Variants in CRY2 observed in about 807,000 individuals in gnomAD.
The protein encoded by CRY2 is cryptochrome circadian regulator 2, also known as cryptochrome-2.
CRY2 carries 31 observed loss-of-function variants against 69.5 expected under a neutral mutation model. The observed-to-expected ratio is 0.45, with a 90% confidence interval of 0.34 to 0.60. The LOEUF (loss-of-function observed/expected upper bound fraction) is 0.60, where lower values mean the gene tolerates loss of function less well. Among genes scored for constraint, CRY2 ranks in the 20% least tolerant of loss-of-function variants. The probability of loss-of-function intolerance (pLI) is 0.02; values close to 1 mark genes in which losing one functional copy is unlikely to be tolerated. For synonymous variants in CRY2, 303 were observed against 312.2 expected, an observed-to-expected ratio of 0.97 and a Z score of 0.31; for missense variants, 606 against 797.8, an observed-to-expected ratio of 0.76 and a Z score of 2.90.
chr11:45,878,954 G>C (rs1418289414), intron 11 of CRY2, among the ~76,000 whole-genome samples: 2 of 144,396 alleles, frequency 1.4e-5, no homozygotes, highest in Non-Finnish European at 3.0e-5. Flanking sequence ...AAAAAGTCGG[G>C]CTCGGTGGCT....
chr11:45,862,652 G>T (rs937224162), intron 5 of CRY2, among the ~76,000 whole-genome samples: 3 of 152,158 alleles, frequency 2.0e-5, no homozygotes, highest in African/African-American at 2.4e-5. Context: ...TTTCATCTGT[G>T]GGCAGGTTCC....
At chr11:45,847,463 G>C (rs374932238), upstream of CRY2, 43 of 1,596,284 alleles carry the variant, frequency 2.7e-5, no homozygotes, top group East Asian at 4.5e-5. Flanking sequence ...GGGGCGGAGC[G>C]GGGGTGGCTG....
In CRY2 at chr11:45,861,847, G is replaced by A. The variant is rs563617238; in HGVS notation, c.653-213G>A. Reference sequence around the variant, plus strand: ...GGGATTGTTGTCATCTACCTGGAGCGATGAGGGTGCAGGGGAAAGCAGAGA... The same window carrying A: ...GGGATTGTTGTCATCTACCTGGAGCAATGAGGGTGCAGGGGAAAGCAGAGA... On this transcript the variant is annotated intron_variant, in intron 4 of 11. Transcript: ENST00000616080. The A allele has an allele frequency of 2.8e-4, 154 of 540,562 alleles. 1 individual carries two copies. The highest frequency in any genetic ancestry group is 2.3e-3 in the African/African-American group (122 of 51,970). The allele number at this position is 540,562 out of a possible 1,614,324, so 33.5% of individuals were successfully genotyped here. A position where few individuals can be genotyped will look rare whatever the true frequency, so the allele number is the denominator to read the frequency against.
chr11:45,871,292 A>G lies in CRY2; in HGVS notation c.1642+358A>G, dbSNP rs552459560. 6.8e-4 allele frequency among the ~76,000 whole-genome samples: 103 copies of G among 152,304 alleles called. No homozygotes were observed. In the South Asian group the frequency reaches 0.018, roughly 27 times the overall value. On this transcript the variant is annotated intron_variant, in intron 10 of 11. Transcript: ENST00000616080. ...AAGGGAGTAGCAAGAAAAAGCTCAC[A>G]AACAGTACCGAGCTTAGTCCATTCA...
intron 1 of CRY2, among the ~76,000 whole-genome samples, chr11:45,853,276 C>T (rs2086211953): frequency 6.6e-6 from 1 of 152,116 alleles, no homozygotes. Flanking sequence ...ATTGTAAATG[C>T]TTATTAAATG....
intron 11 of CRY2, among the ~76,000 whole-genome samples, chr11:45,880,524 A>AT (rs1189388665): frequency 6.6e-6 from 1 of 151,856 alleles, no homozygotes; most frequent in Non-Finnish European, 1.5e-5. Context: ...TCTTCCAGCC[A>AT]TTTTTTCCTG....
At chr11:45,871,475 G>A (rs2086381875) in intron 10 of CRY2, among the ~76,000 whole-genome samples, 1 of 152,148 alleles carries the variant, frequency 6.6e-6, no homozygotes, top group Non-Finnish European at 1.5e-5. Flanking sequence ...AGTAGGGCAG[G>A]GCATGATTGG....
intron 1 of CRY2, among the ~76,000 whole-genome samples, chr11:45,850,349 T>A (rs939322109): frequency 6.6e-6 from 1 of 152,184 alleles, no homozygotes; most frequent in Non-Finnish European, 1.5e-5. Context: ...CAGCAAAGCT[T>A]AAGAAGCACT....
intron 9 of CRY2, 124 bp from the exon 10 acceptor site, chr11:45,870,718 T>C: frequency 9.2e-7 from 1 of 1,083,600 alleles, no homozygotes; most frequent in Non-Finnish European, 1.3e-6. Flanking sequence ...TGTGGGGCTG[T>C]GGGAGGAAAT....
chr11:45,855,727 C>T lies in CRY2; in HGVS notation c.216-255C>T, dbSNP rs189154903. ...ACTAACATCAGCTTCACATTACCGG[C>T]GAGAAAACAGGCAAAGAGGTTAGGT... On this transcript the variant is annotated intron_variant, in intron 1 of 11. Coordinates refer to ENST00000616080, the MANE Select transcript of CRY2 (RefSeq NM_021117.5). 3.3e-4 allele frequency among the ~76,000 whole-genome samples: 51 copies of T among 152,262 alleles called. No homozygotes were observed. In the East Asian group the frequency reaches 4.8e-3, roughly 14 times the overall value.
At chr11:45,870,293 G>T (rs1417751259) in intron 8 of CRY2, 37 bp from the exon 9 acceptor site, 1 of 1,613,834 alleles carries the variant, frequency 6.2e-7, no homozygotes, top group East Asian at 2.2e-5. Context: ...GGAGGGTCTG[G>T]GTATGCTGAT....
At chr11:45,871,446 A>G (rs1466055960) in intron 10 of CRY2, among the ~76,000 whole-genome samples, 1 of 152,132 alleles carries the variant, frequency 6.6e-6, no homozygotes, top group Non-Finnish European at 1.5e-5. Flanking sequence ...TTCAGCCTTC[A>G]GTGCACTGAA....
At chr11:45,872,015 G>T in intron 10 of CRY2, 77 bp from the exon 11 acceptor site, 1 of 1,566,408 alleles carries the variant, frequency 6.4e-7, no homozygotes, top group Non-Finnish European at 8.7e-7. Flanking sequence ...GTCCCCTAAA[G>T]AGCTGCTGCT....
In CRY2 at chr11:45,869,831, C is replaced by G; in HGVS notation, c.1194+14C>G. ...AGCGGGGTCCGGGTGAGTGCTCTCT[C>G]AACGAAAAGCTGGCCTGTACCCTCT... On this transcript the variant is annotated intron_variant, in intron 7 of 11. Transcript: ENST00000616080. 1.3e-6 allele frequency: 2 copies of G among 1,593,218 alleles called. No individual in the cohort carries two copies. Among genetic ancestry groups the G allele is most frequent in the Non-Finnish European group, 1.7e-6 (2 of 1,167,350 alleles).
At chr11:45,871,724 G>A (rs1163239506) in intron 10 of CRY2, among the ~76,000 whole-genome samples, 1 of 152,246 alleles carries the variant, frequency 6.6e-6, no homozygotes, top group Non-Finnish European at 1.5e-5. Context: ...TCCATGGGCA[G>A]CATGACTCCT....
chr11:45,859,486 C>T (rs1250705780), intron 3 of CRY2, among the ~76,000 whole-genome samples: 2 of 151,562 alleles, frequency 1.3e-5, no homozygotes, highest in Admixed American at 1.3e-4. Flanking sequence ...CACTTGAGCC[C>T]AGGGGCTTGA....
chr11:45,855,783 G>A (rs1188688380), intron 1 of CRY2, among the ~76,000 whole-genome samples, 199 bp from the exon 2 acceptor site: 1 of 152,210 alleles, frequency 6.6e-6, no homozygotes, highest in Non-Finnish European at 1.5e-5. Context: ...CTAGTAAGTG[G>A]CAAGACCAGG....
At chr11:45,860,299 C>T (rs1043569462) in intron 3 of CRY2, among the ~76,000 whole-genome samples, 1 of 150,142 alleles carries the variant, frequency 6.7e-6, no homozygotes, top group Non-Finnish European at 1.5e-5. Context: ...TTCCACCTCT[C>T]TGTTCAATGT....
At chr11:45,851,977 A>G (rs1011997414) in intron 1 of CRY2, among the ~76,000 whole-genome samples, 1 of 152,238 alleles carries the variant, frequency 6.6e-6, no homozygotes, top group African/African-American at 2.4e-5. Context: ...AGCCATTCCT[A>G]GAGAAGGCCT....
Sources: gnomAD v4.1 joint callset for allele counts (sites outside exome capture counted in the v4.1 genomes callset) on GRCh38, gnomAD v4.1.1 for gene constraint, MANE v1.5 for transcripts, NCBI Gene and HGNC (gene_info 2026-07-23, HGNC 2026-07-21) for gene names.